NELL1: variants seen among roughly 807,000 people sequenced by gnomAD.
The protein encoded by NELL1 is neural EGFL like 1, also known as protein kinase C-binding protein NELL1.
Under a neutral mutation model 107.4 loss-of-function variants are expected in NELL1, and 76 were observed. The ratio of observed to expected loss-of-function variants is 0.71; its 90% CI spans 0.59 to 0.86. The LOEUF is 0.86. Ranked by LOEUF, NELL1 falls within the 40% of genes least tolerant of loss-of-function variation. The pLI, the probability that NELL1 is intolerant of heterozygous loss-of-function variation, is 0.00. For synonymous variants in NELL1, 353 were observed against 341.2 expected, an observed-to-expected ratio of 1.03 and a Z score of -0.38; for missense variants, 1,024 against 1,005.5, an observed-to-expected ratio of 1.02 and a Z score of -0.25.
chr11:21,299,837 CAT>C (rs1176294488), intron 14 of NELL1, among the ~76,000 whole-genome samples: 2 of 151,844 alleles, frequency 1.3e-5, no homozygotes, highest in Non-Finnish European at 2.9e-5. Flanking sequence ...TTTTATATAA[CAT>C]GTAATATTTT....
At position 20,750,562 on chromosome 11, in the gene NELL1, A is replaced by AATTATTATTATT. The variant is rs113562957; in HGVS notation, c.185-33102_185-33091dup. On this transcript the variant is annotated intron_variant, in intron 2 of 19. Coordinates refer to ENST00000357134, the MANE Select transcript of NELL1 (RefSeq NM_006157.5). ...ATGTTTAGTATATAATGTACCTCGG[A>AATTATTATTATT]ATTATTATTATTATTATTATTATTA... is the stretch of plus-strand genomic sequence containing the variant. Among the ~76,000 whole-genome samples, 264 of 149,696 alleles carry AATTATTATTATT rather than the reference A, an allele frequency of 1.8e-3. 1 individual carries two copies. The highest frequency in any genetic ancestry group is 6.2e-3 in the African/African-American group (250 of 40,632).
intron 14 of NELL1, among the ~76,000 whole-genome samples, chr11:21,261,499 C>T (rs1848531757): frequency 6.6e-6 from 1 of 151,558 alleles, no homozygotes; most frequent in South Asian, 2.1e-4. Flanking sequence ...TCATGTTGAG[C>T]TAGGCACTGT....
At chr11:21,490,767 A>C (rs1177111973) in intron 15 of NELL1, among the ~76,000 whole-genome samples, 1 of 152,132 alleles carries the variant, frequency 6.6e-6, no homozygotes, top group African/African-American at 2.4e-5. Flanking sequence ...ATGAAACTAG[A>C]TACCCATTTC....
chr11:20,832,134 C>T (rs932780921), intron 3 of NELL1, among the ~76,000 whole-genome samples: 9 of 152,196 alleles, frequency 5.9e-5, no homozygotes, highest in Admixed American at 4.6e-4. Context: ...ACATAGCCCT[C>T]ACCTGTTTCA....
chr11:21,153,392 TG>T (rs1195629062), intron 13 of NELL1, among the ~76,000 whole-genome samples: 1 of 152,058 alleles, frequency 6.6e-6, no homozygotes, highest in Non-Finnish European at 1.5e-5. Context: ...ATTTCTTTTA[TG>T]GGGGCGTGTA....
At chr11:20,735,285 T>A (rs1855735226) in intron 2 of NELL1, among the ~76,000 whole-genome samples, 1 of 152,118 alleles carries the variant, frequency 6.6e-6, no homozygotes, top group Admixed American at 6.6e-5. Flanking sequence ...TATAAAGAAC[T>A]ACCCAAGACT....
chr11:21,279,312 T>C lies in NELL1; in HGVS notation c.1549+49858T>C, dbSNP rs1288669806. ...AACGTTTGTTCTAGAAAAGACACTG[T>C]CAAGAAAGTGAGAAGGCAAGTCATT... is the stretch of plus-strand genomic sequence containing the variant. On this transcript the variant is annotated intron_variant, in intron 14 of 19. Coordinates refer to ENST00000357134, the MANE Select transcript of NELL1 (RefSeq NM_006157.5). Among the ~76,000 whole-genome samples the C allele has an allele frequency of 2.0e-5, 3 of 152,116 alleles. No homozygotes were observed. In the East Asian group the frequency reaches 5.8e-4, roughly 29 times the overall value.
chr11:20,758,386 G>T (rs1392377133), intron 2 of NELL1, among the ~76,000 whole-genome samples: 1 of 152,038 alleles, frequency 6.6e-6, no homozygotes, highest in Admixed American at 6.6e-5. Context: ...CCATGAATCT[G>T]GCTCCAAACC....
chr11:20,962,943 A>G (rs961505011), intron 12 of NELL1, among the ~76,000 whole-genome samples: 1 of 152,188 alleles, frequency 6.6e-6, no homozygotes, highest in African/African-American at 2.4e-5. Context: ...GTAGGAACAT[A>G]GCTCATGGGT....
At chr11:21,087,487 A>G (rs1427121573) in intron 12 of NELL1, among the ~76,000 whole-genome samples, 1 of 152,200 alleles carries the variant, frequency 6.6e-6, no homozygotes, top group African/African-American at 2.4e-5. Flanking sequence ...CTATTATCAT[A>G]CTGACAAATA....
chr11:20,839,081 T>G (rs1848580022), intron 3 of NELL1, among the ~76,000 whole-genome samples: 1 of 152,098 alleles, frequency 6.6e-6, no homozygotes, highest in Non-Finnish European at 1.5e-5. Flanking sequence ...AAGTGTATTC[T>G]GCCACTAATT....
intron 2 of NELL1, among the ~76,000 whole-genome samples, chr11:20,778,486 C>T (rs1354229755): frequency 4.1e-5 from 6 of 145,488 alleles, no homozygotes; most frequent in African/African-American, 7.7e-5. Flanking sequence ...AATCTCCTCC[C>T]TTCACCCAGC....
chr11:21,221,227 A>G (rs1857748494), intron 13 of NELL1, among the ~76,000 whole-genome samples: 1 of 152,186 alleles, frequency 6.6e-6, no homozygotes, highest in Non-Finnish European at 1.5e-5. Flanking sequence ...CTCCAAGGTA[A>G]TTACTACTTG....
intron 14 of NELL1, among the ~76,000 whole-genome samples, chr11:21,321,659 T>C (rs971747445): frequency 2.0e-5 from 3 of 152,200 alleles, no homozygotes; most frequent in Admixed American, 6.5e-5. Flanking sequence ...TTTCCATTAC[T>C]TCCATTTTAT....
intron 12 of NELL1, among the ~76,000 whole-genome samples, chr11:21,083,960 C>T (rs1480095459): frequency 6.6e-6 from 1 of 152,016 alleles, no homozygotes; most frequent in Non-Finnish European, 1.5e-5. Context: ...ATACAAGGAG[C>T]CTTATAAAAT....
chr11:21,525,351 C>A (rs1855823980), intron 15 of NELL1, among the ~76,000 whole-genome samples: 1 of 152,138 alleles, frequency 6.6e-6, no homozygotes, highest in African/African-American at 2.4e-5. Flanking sequence ...ATGACATCAC[C>A]AGATATTTTA....
At chr11:20,851,955 G>A (rs1484177616) in intron 4 of NELL1, among the ~76,000 whole-genome samples, 3 of 152,206 alleles carry the variant, frequency 2.0e-5, no homozygotes, top group Non-Finnish European at 4.4e-5. Context: ...ACTGGAAACA[G>A]TGAACTCCCA....
intron 15 of NELL1, among the ~76,000 whole-genome samples, chr11:21,400,718 AAG>A (rs1409699030): frequency 6.6e-6 from 1 of 151,874 alleles, no homozygotes; most frequent in African/African-American, 2.4e-5. Context: ...CCACAAATAA[AAG>A]AGAATTTCAG....
chr11:21,178,664 G>A (rs900469610), intron 13 of NELL1, among the ~76,000 whole-genome samples: 2 of 151,370 alleles, frequency 1.3e-5, no homozygotes, highest in African/African-American at 2.4e-5. Context: ...CTCAGGAGGC[G>A]GAGATGAGAG....
Sources: gnomAD v4.1 joint callset for allele counts (sites outside exome capture counted in the v4.1 genomes callset) on GRCh38, gnomAD v4.1.1 for gene constraint, MANE v1.5 for transcripts, NCBI Gene and HGNC (gene_info 2026-07-23, HGNC 2026-07-21) for gene names.